RANBP2: variants seen among roughly 807,000 people sequenced by gnomAD.
The protein encoded by RANBP2 is E3 SUMO-protein ligase RanBP2.
A neutral mutation model predicts 303.6 loss-of-function variants in RANBP2; 57 were observed. The ratio of observed to expected loss-of-function variants is 0.19; its 90% CI spans 0.15 to 0.23. The LOEUF is 0.23. RANBP2 is among the 10% of genes least tolerant of loss of function. The pLI, the probability that RANBP2 is intolerant of heterozygous loss-of-function variation, is 1.00. For synonymous variants in RANBP2, 1,167 were observed against 1,301.5 expected (o/e 0.90, Z 2.23); for missense variants, 3,138 against 3,780.8 (o/e 0.83, Z 4.46).
At chr2:109,524,910 A>C in the RANBP2 span, among the ~76,000 whole-genome samples, 1 of 152,154 alleles carries the variant, frequency 6.6e-6, no homozygotes, top group Non-Finnish European at 1.5e-5. Flanking sequence ...GGAATTCCCA[A>C]GCCCTGGGTT....
chr2:109,736,207 G>A, the RANBP2 span, among the ~76,000 whole-genome samples: 1 of 152,194 alleles, frequency 6.6e-6, no homozygotes, highest in Non-Finnish European at 1.5e-5. Context: ...TCCCAGCCTC[G>A]GTAGCCCCCT....
At chr2:108,980,512 A>T in the RANBP2 span, among the ~76,000 whole-genome samples, 1 of 152,140 alleles carries the variant, frequency 6.6e-6, no homozygotes, top group Admixed American at 6.5e-5. Context: ...TTATGTGTGT[A>T]TGTATATATT....
At chr2:109,568,162 G>A in the RANBP2 span, among the ~76,000 whole-genome samples, 1 of 151,960 alleles carries the variant, frequency 6.6e-6, no homozygotes, top group Admixed American at 6.6e-5. Context: ...ACACTGCCAT[G>A]CCCATTTGCT....
the RANBP2 span, among the ~76,000 whole-genome samples, chr2:109,182,937 C>T: frequency 1.3e-5 from 2 of 152,128 alleles, no homozygotes; most frequent in African/African-American, 4.8e-5. Flanking sequence ...TCCCATGAAT[C>T]TTTGACATTG....
chr2:108,809,091 G>GT, the RANBP2 span, among the ~76,000 whole-genome samples: 1 of 152,062 alleles, frequency 6.6e-6, no homozygotes, highest in Non-Finnish European at 1.5e-5. Flanking sequence ...CCTTATTAAT[G>GT]TTGTTGGCAC....
the RANBP2 span, among the ~76,000 whole-genome samples, chr2:109,256,329 C>T: frequency 3.3e-5 from 5 of 152,260 alleles, no homozygotes; most frequent in African/African-American, 9.6e-5. Context: ...AGTCCTGGGG[C>T]GAGCTTGGAA....
chr2:109,497,380 G>A, the RANBP2 span, among the ~76,000 whole-genome samples: 3 of 152,232 alleles, frequency 2.0e-5, no homozygotes, highest in South Asian at 2.1e-4. Flanking sequence ...GGAAGCAGAC[G>A]ACCCCCAAGG....
At chr2:109,208,893 G>T in the RANBP2 span, among the ~76,000 whole-genome samples, 2 of 152,316 alleles carry the variant, frequency 1.3e-5, no homozygotes, top group African/African-American at 4.8e-5. Flanking sequence ...GATCCTTAAA[G>T]AGGGCCAGTG....
At chr2:109,632,818 CAAAAA>C in the RANBP2 span, among the ~76,000 whole-genome samples, 7 of 143,136 alleles carry the variant, frequency 4.9e-5, no homozygotes, top group African/African-American at 1.8e-4. Flanking sequence ...GACTCTGTCT[CAAAAA>C]AAAAAACAAA....
chr2:109,606,761 C>T, the RANBP2 span, among the ~76,000 whole-genome samples: 2 of 142,568 alleles, frequency 1.4e-5, no homozygotes, highest in African/African-American at 5.4e-5. Flanking sequence ...CTCACTGCAA[C>T]CTCCGTCTCG....
the RANBP2 span, among the ~76,000 whole-genome samples, chr2:108,937,468 TGTGA>T: frequency 6.6e-6 from 1 of 152,158 alleles, no homozygotes; most frequent in African/African-American, 2.4e-5. Context: ...CATGTGTATA[TGTGA>T]GTGTGTGCAT....
chr2:109,168,202 T>C, the RANBP2 span, among the ~76,000 whole-genome samples: 8 of 152,342 alleles, frequency 5.3e-5, no homozygotes, highest in East Asian at 1.5e-3. Context: ...ATTGCATCAT[T>C]GGGTTACAAA....
rs531774744 is a variant in RANBP2 at position 108,770,829 on chromosome 2, G to A, written c.7850-872G>A. 5.3e-5 allele frequency among the ~76,000 whole-genome samples: 8 copies of A among 152,212 alleles called. No individual in the cohort carries two copies. The East Asian group carries it at 1.2e-3, about 22-fold the overall frequency. The stretch of plus-strand genomic sequence containing the variant: ...ACCAAGTCTTCAAAATCCAGTGTGT[G>A]TGTTTACACTTACTGTTAGCACGTC... On this transcript the variant is annotated intron_variant, in intron 20 of 28. Transcript: ENST00000283195.
chr2:108,780,357 T>TC (rs1423377942), intron 25 of RANBP2, among the ~76,000 whole-genome samples: 60 of 129,252 alleles, frequency 4.6e-4, no homozygotes, highest in African/African-American at 1.8e-3. Flanking sequence ...CACGCCCGGC[T>TC]AATTTTTTTT....
the RANBP2 span, among the ~76,000 whole-genome samples, chr2:109,553,647 G>A: frequency 6.6e-6 from 1 of 151,926 alleles, no homozygotes; most frequent in Non-Finnish European, 1.5e-5. Flanking sequence ...GAGGTCAGGA[G>A]TTCAAGACCA....
At chr2:109,145,112 C>T in the RANBP2 span, among the ~76,000 whole-genome samples, 2 of 152,204 alleles carry the variant, frequency 1.3e-5, no homozygotes, top group African/African-American at 4.8e-5. Flanking sequence ...AGTCTTCCCT[C>T]ACCGGCTCTG....
chr2:109,490,921 T>G, the RANBP2 span: 1 of 1,502,414 alleles, frequency 6.7e-7, no homozygotes, highest in Non-Finnish European at 8.9e-7. Flanking sequence ...GAGCCCAAGC[T>G]GTTGCCCAGA....
the RANBP2 span, among the ~76,000 whole-genome samples, chr2:109,268,592 G>T: frequency 4.6e-5 from 7 of 152,242 alleles, no homozygotes; most frequent in Admixed American, 4.6e-4. Context: ...CCAGGGAGAG[G>T]TCCCCCACTG....
the RANBP2 span, among the ~76,000 whole-genome samples, chr2:109,511,424 C>T: frequency 2.0e-5 from 3 of 152,214 alleles, no homozygotes; most frequent in East Asian, 1.9e-4. Context: ...AAAGTTCTCC[C>T]GCAATCCAGT....
Sources: gnomAD v4.1 joint callset for allele counts (sites outside exome capture counted in the v4.1 genomes callset) on GRCh38, gnomAD v4.1.1 for gene constraint, MANE v1.5 for transcripts, NCBI Gene and HGNC (gene_info 2026-07-23, HGNC 2026-07-21) for gene names.